The following CDH8 variants were observed in gnomAD, a reference collection of about 807,000 sequenced individuals.
CDH8 encodes cadherin 8, also known as cadherin-8.
CDH8 carries 17 observed loss-of-function variants against 68.1 expected under a neutral mutation model. The ratio of observed to expected loss-of-function variants is 0.25; its 90% CI spans 0.17 to 0.37. The LOEUF is 0.37. Among genes scored for constraint, CDH8 ranks in the 10% least tolerant of loss-of-function variants. CDH8 has a pLI of 1.00. For missense variants in CDH8, 763 were observed against 999.3 expected (o/e 0.76, Z 3.19); for synonymous variants, 372 against 365.1 (o/e 1.02, Z -0.21).
At chr16:61,982,948 C>T (rs533899794) in intron 2 of CDH8, among the ~76,000 whole-genome samples, 1 of 152,222 alleles carries the variant, frequency 6.6e-6, no homozygotes, top group Admixed American at 6.5e-5. Context: ...CTGCTTTTTG[C>T]ATATTCACTT....
At chr16:62,029,661 C>T (rs966575349) in intron 1 of CDH8, among the ~76,000 whole-genome samples, 1 of 152,182 alleles carries the variant, frequency 6.6e-6, no homozygotes, top group African/African-American at 2.4e-5. Flanking sequence ...TGTAGCCGCT[C>T]ATTAAAAAAC....
At chr16:61,835,454 A>G (rs928472173) in intron 4 of CDH8, among the ~76,000 whole-genome samples, 1 of 151,930 alleles carries the variant, frequency 6.6e-6, no homozygotes, top group African/African-American at 2.4e-5. Flanking sequence ...CCCAACATGC[A>G]TAGTGACTTC....
intron 8 of CDH8, among the ~76,000 whole-genome samples, chr16:61,731,723 A>G (rs1959543275): frequency 6.6e-6 from 1 of 151,850 alleles, no homozygotes; most frequent in Non-Finnish European, 1.5e-5. Flanking sequence ...AAGTTACATG[A>G]CATGAAAATA....
intron 2 of CDH8, among the ~76,000 whole-genome samples, chr16:62,008,035 C>T (rs1172080406): frequency 6.6e-6 from 1 of 152,090 alleles, no homozygotes; most frequent in Non-Finnish European, 1.5e-5. Context: ...TCATTGCAGC[C>T]TTGATTCTCC....
intron 8 of CDH8, among the ~76,000 whole-genome samples, chr16:61,768,353 T>TCTCTCTCTCTCTCC (rs1960665661): frequency 9.1e-6 from 1 of 109,376 alleles, no homozygotes; most frequent in East Asian, 3.1e-4. Context: ...TCTCTCTCTC[T>TCTCTCTCTCTCTCC]CTCTCTCTCT....
At chr16:61,657,457 T>C (rs1963469874) in intron 10 of CDH8, among the ~76,000 whole-genome samples, 1 of 152,118 alleles carries the variant, frequency 6.6e-6, no homozygotes, top group Non-Finnish European at 1.5e-5. Context: ...AATTTGAATA[T>C]ACTGAGAAAA....
chr16:61,801,111 A>C (rs1042055403), intron 7 of CDH8, among the ~76,000 whole-genome samples: 3 of 152,164 alleles, frequency 2.0e-5, no homozygotes, highest in African/African-American at 7.2e-5. Flanking sequence ...AATCAGAAAA[A>C]AAAAAGCTGA....
chr16:61,712,802 C>T (rs1319879771), intron 10 of CDH8, among the ~76,000 whole-genome samples: 1 of 151,636 alleles, frequency 6.6e-6, no homozygotes, highest in East Asian at 1.9e-4. Context: ...ATCAAAGCGT[C>T]CCCACAGAAC....
At chr16:61,731,660 T>C (rs1163496962) in intron 8 of CDH8, among the ~76,000 whole-genome samples, 4 of 151,736 alleles carry the variant, frequency 2.6e-5, no homozygotes, top group African/African-American at 7.2e-5. Context: ...CAGAGGAGGA[T>C]TGGTAACTAG....
At chr16:61,903,291 A>G (rs1964008595) in intron 2 of CDH8, among the ~76,000 whole-genome samples, 1 of 152,200 alleles carries the variant, frequency 6.6e-6, no homozygotes, top group Non-Finnish European at 1.5e-5. Context: ...GAAGTAACTA[A>G]TGATAAAAAA....
At chr16:61,825,302 G>C (rs1962305200) in intron 4 of CDH8, 123 bp from the exon 5 acceptor site, 1 of 678,464 alleles carries the variant, frequency 1.5e-6, no homozygotes, top group Non-Finnish European at 2.4e-6. Context: ...ATAATTTTCT[G>C]TGTTCTTCTG....
chr16:61,870,180 C>T (rs1963330285), intron 3 of CDH8, among the ~76,000 whole-genome samples: 1 of 152,136 alleles, frequency 6.6e-6, no homozygotes, highest in African/African-American at 2.4e-5. Flanking sequence ...GTTTTTATCA[C>T]AAATTTCCAA....
chr16:61,986,992 C>T (rs868105783), intron 2 of CDH8, among the ~76,000 whole-genome samples: 23 of 152,192 alleles, frequency 1.5e-4, no homozygotes, highest in African/African-American at 4.8e-4. Context: ...AGAATCACGA[C>T]TTAAGATTAA....
At chr16:61,719,517 A>G (rs1959201641) in intron 9 of CDH8, among the ~76,000 whole-genome samples, 1 of 150,988 alleles carries the variant, frequency 6.6e-6, no homozygotes. Flanking sequence ...TTTGTATACT[A>G]CTGAAATTAT....
chr16:61,867,226 G>A lies in CDH8; in HGVS notation c.548-9988C>T, dbSNP rs372577422. ...CGAAATATAATATCCTATACATGCC[G>A]CCATCAATGACATAGCTAAAATGGA... On this transcript the variant is annotated intron_variant, in intron 3 of 11. Transcript: ENST00000577390. Among the ~76,000 whole-genome samples the A allele has an allele frequency of 2.0e-5, 3 of 152,138 alleles. No individual in the cohort carries two copies. In the South Asian group the frequency reaches 6.2e-4, roughly 32 times the overall value.
intron 8 of CDH8, among the ~76,000 whole-genome samples, chr16:61,749,464 CA>C (rs1406696810): frequency 6.6e-6 from 1 of 152,048 alleles, no homozygotes; most frequent in East Asian, 1.9e-4. Flanking sequence ...GCAAATATTA[CA>C]GTTTAGAAAA....
chr16:61,913,786 A>T (rs1964196450), intron 2 of CDH8, among the ~76,000 whole-genome samples: 1 of 152,208 alleles, frequency 6.6e-6, no homozygotes, highest in South Asian at 2.1e-4. Context: ...TGTTGGAAAT[A>T]TGTATAACTC....
chr16:61,722,331 C>T (rs1026158393), intron 9 of CDH8, among the ~76,000 whole-genome samples: 1 of 150,678 alleles, frequency 6.6e-6, no homozygotes, highest in African/African-American at 2.4e-5. Flanking sequence ...TAAAGTAGAT[C>T]CCTGAGTTTT....
chr16:61,801,650 C>G (rs375609273), intron 7 of CDH8, among the ~76,000 whole-genome samples: 1 of 152,158 alleles, frequency 6.6e-6, no homozygotes, highest in Non-Finnish European at 1.5e-5. Context: ...ATTGCCTCAC[C>G]TGGGAAGCGC....
Sources: allele counts gnomAD v4.1 joint callset (sites outside exome capture counted in the v4.1 genomes callset), GRCh38; gene constraint gnomAD v4.1.1; transcripts MANE v1.5; gene names NCBI Gene and HGNC (gene_info 2026-07-23, HGNC 2026-07-21).